Variants in KLK7 observed in about 807,000 individuals in gnomAD.
KLK7 encodes kallikrein-7.
A neutral mutation model predicts 21.0 loss-of-function variants in KLK7; 17 were observed. The ratio of observed to expected loss-of-function variants is 0.81; its 90% CI spans 0.55 to 1.21. The LOEUF (loss-of-function observed/expected upper bound fraction) is 1.21. Among genes scored for constraint, KLK7 ranks in the 50% most tolerant of loss-of-function variants. KLK7 has a pLI of 0.00. For missense variants in KLK7, 330 were observed against 322.8 expected (o/e 1.02, Z -0.17); for synonymous variants, 151 against 134.6 (o/e 1.12, Z -0.85).
chr19:50,980,479 G>A lies in KLK7; in HGVS notation c.230C>T (p.Thr77Ile), dbSNP rs776927500. Reference sequence around the variant, plus strand: ...CAGCGTATCACTGCCCAGGTGCACGGTGTACTCACTGCGAGGAGTGACATT... The same window carrying A: ...CAGCGTATCACTGCCCAGGTGCACGATGTACTCACTGCGAGGAGTGACATT... ...TAAHCKMNEYTVHLGSDTLGD... is the reference protein window; with the variant it reads ...TAAHCKMNEYIVHLGSDTLGD... The change falls in exon 4 of 6, where the codon ACC (threonine) becomes ATC (isoleucine). Residue 77 changes from threonine to isoleucine, a missense_variant. By Grantham distance (89) the Thr-to-Ile change is moderately conservative (BLOSUM62 -1). Transcript: ENST00000595820. 1.9e-6 allele frequency: 3 copies of A among 1,613,866 alleles called. No individual in the cohort carries two copies. Among genetic ancestry groups the A allele is most frequent in the Non-Finnish European group, 2.5e-6 (3 of 1,179,878 alleles).
At chr19:50,978,682 G>C (rs1229082190) in intron 5 of KLK7, among the ~76,000 whole-genome samples, 1 of 148,030 alleles carries the variant, frequency 6.8e-6, no homozygotes. Flanking sequence ...GACTGGAAGA[G>C]AGGAGGAGAA....
At chr19:50,982,008 G>C (rs2091093286) in intron 2 of KLK7, 94 bp from the exon 3 acceptor site, 1 of 1,317,598 alleles carries the variant, frequency 7.6e-7, no homozygotes. Flanking sequence ...GATGGACAGA[G>C]ACAGATGAAA....
At chr19:50,981,714 T>A in intron 3 of KLK7, 53 bp downstream of exon 3, 1 of 1,499,506 alleles carries the variant, frequency 6.7e-7, no homozygotes, top group East Asian at 2.5e-5. Context: ...TCCACCCCCA[T>A]AGCGAGCTGG....
chr19:50,983,108 C>T (rs1280660312), intron 1 of KLK7, among the ~76,000 whole-genome samples: 4 of 107,218 alleles, frequency 3.7e-5, no homozygotes, highest in African/African-American at 1.4e-4. Flanking sequence ...AGGCCCCCAG[C>T]TCCTCCTCCC....
intron 5 of KLK7, 112 bp from the exon 6 acceptor site, chr19:50,977,803 A>G: frequency 1.9e-6 from 2 of 1,078,708 alleles, no homozygotes; most frequent in South Asian, 1.5e-5. Flanking sequence ...CTTCCACCAT[A>G]GCCAATGAGA....
rs542798108 is a variant in KLK7 at position 50,980,074 on chromosome 19, C to G, written c.470-150G>C. 5 of 840,518 alleles carry G rather than the reference C, an allele frequency of 5.9e-6. No individual in the cohort carries two copies. In the Admixed American group the frequency reaches 1.4e-4, roughly 24 times the overall value. 52.1% of individuals were successfully genotyped at this position (840,518 alleles called of 1,614,324 possible). On this transcript the variant is annotated intron_variant, in intron 4 of 5. Coordinates refer to ENST00000595820, the MANE Select transcript of KLK7 (RefSeq NM_005046.4). Reference sequence around the variant, plus strand: ...GAGGAGGGGCTGGGGTCTGGACTCCCGGGTCTGAGGGAGGAGGGGCTGGGG... The same window carrying G: ...GAGGAGGGGCTGGGGTCTGGACTCCGGGGTCTGAGGGAGGAGGGGCTGGGG...
Position 50,977,387 on chromosome 19 carries a change from A to T in KLK7, c.*149T>A. 2.6e-6 allele frequency: 2 copies of T among 766,372 alleles called. No homozygotes were observed. Among genetic ancestry groups the T allele is most frequent in the Non-Finnish European group, 4.2e-6 (2 of 470,704 alleles). The allele number at this position is 766,372 out of a possible 1,614,324, so 47.5% of individuals were successfully genotyped here. A position where few individuals can be genotyped will look rare whatever the true frequency, so the allele number is the denominator to read the frequency against. On this transcript the variant is annotated 3_prime_UTR_variant, in exon 6 of 6. Transcript: ENST00000595820. ...TTTGTTTTGGTTTTAGGTCTTTACCAATTTGATTGGTTTATCAACAGGGCA... is the reference window on the plus strand; with the variant it reads ...TTTGTTTTGGTTTTAGGTCTTTACCTATTTGATTGGTTTATCAACAGGGCA...
intron 3 of KLK7, among the ~76,000 whole-genome samples, chr19:50,981,319 A>G (rs2091084112): frequency 7.0e-6 from 1 of 142,518 alleles, no homozygotes; most frequent in African/African-American, 2.7e-5. Context: ...GGACAGAGAC[A>G]CAGAGGGGAA....
chr19:50,984,037 C>A (rs540123437), upstream of KLK7: 76 of 698,702 alleles, frequency 1.1e-4, 1 homozygote, highest in South Asian at 9.0e-4. Flanking sequence ...TTCTGGTTAT[C>A]TGGAACCCTG....
intron 5 of KLK7, among the ~76,000 whole-genome samples, chr19:50,979,571 A>G (rs1477702784): frequency 1.3e-5 from 2 of 152,078 alleles, no homozygotes; most frequent in African/African-American, 4.8e-5. Context: ...TCTCACCCCT[A>G]TTAAACTCTC....
intron 5 of KLK7, among the ~76,000 whole-genome samples, chr19:50,979,099 G>T (rs2091057402): frequency 6.6e-6 from 1 of 152,126 alleles, no homozygotes; most frequent in South Asian, 2.1e-4. Context: ...CAGAAACAGA[G>T]GGGATGACAA....
chr19:50,983,844 T>C lies in KLK7; in HGVS notation c.-59+7A>G. 7.8e-7 allele frequency: 1 copy of C among 1,289,268 alleles called. No homozygotes were observed. Among genetic ancestry groups the C allele is most frequent in the Non-Finnish European group, 1.0e-6 (1 of 988,792 alleles). 79.9% of individuals were successfully genotyped at this position (1,289,268 alleles called of 1,614,324 possible). A position where few individuals can be genotyped will look rare whatever the true frequency, so the allele number is the denominator to read the frequency against. ...ACAGGTGCACCCTTGATGAAGCCTC[T>C]TCTCACCTCGAGAGGATCTGATGTG... On this transcript the variant is annotated splice_region_variant and intron_variant, in intron 1 of 5. Transcript: ENST00000595820.
Position 50,977,223 on chromosome 19 carries a change from G to T in KLK7, c.*313C>A, listed in dbSNP as rs573290259. The T allele has an allele frequency of 3.9e-6, 1 of 255,782 alleles. No homozygotes were observed. Among genetic ancestry groups the T allele is most frequent in the Non-Finnish European group, 7.4e-6 (1 of 135,620 alleles). 15.8% of individuals were successfully genotyped at this position (255,782 alleles called of 1,614,324 possible). The stretch of plus-strand genomic sequence containing the variant: ...TTCTTCCTAAGATTAGAGTTACTGG[G>T]TCAAAGGTGGTGAATAAGGGTCTCG... On this transcript the variant is annotated 3_prime_UTR_variant, in exon 6 of 6. Coordinates refer to ENST00000595820, the MANE Select transcript of KLK7 (RefSeq NM_005046.4).
At chr19:50,978,832 G>GGA (rs2091055601) in intron 5 of KLK7, among the ~76,000 whole-genome samples, 1 of 141,866 alleles carries the variant, frequency 7.0e-6, no homozygotes, top group Non-Finnish European at 1.5e-5. Flanking sequence ...GAGAAGTGGG[G>GGA]GAGAGAGAGA....
upstream of KLK7, chr19:50,983,964 C>A (rs763552015): frequency 1.7e-5 from 22 of 1,278,708 alleles, no homozygotes; most frequent in South Asian, 2.6e-4. Flanking sequence ...GCCCCATGCC[C>A]GGCCCCAGCG....
chr19:50,981,939 G>A lies in KLK7; in HGVS notation c.74-25C>T, dbSNP rs376535435. ...GCTGGATGGAGACATGGAGGAGCAC[G>A]TGGGTAGCTAGCATTAGGGGAAGGC... is the stretch of plus-strand genomic sequence containing the variant. On this transcript the variant is annotated intron_variant, in intron 2 of 5. Coordinates refer to ENST00000595820, the MANE Select transcript of KLK7 (RefSeq NM_005046.4). 5.5e-5 allele frequency: 88 copies of A among 1,610,520 alleles called. No individual in the cohort carries two copies. The African/African-American group carries it at 1.1e-3, about 21-fold the overall frequency.
At chr19:50,978,991 C>T (rs1333431292) in intron 5 of KLK7, among the ~76,000 whole-genome samples, 3 of 151,190 alleles carry the variant, frequency 2.0e-5, no homozygotes, top group African/African-American at 7.3e-5. Flanking sequence ...GGAGAGAGAA[C>T]AAGGGAGGGA....
rs988719257 is a variant in KLK7, at chr19:50,977,074, T to C, written c.*462A>G. 6.5e-6 allele frequency: 1 copy of C among 154,192 alleles called. No homozygotes were observed. The highest frequency in any genetic ancestry group is 1.4e-5 in the Non-Finnish European group (1 of 69,364). 9.6% of individuals were successfully genotyped at this position (154,192 alleles called of 1,614,324 possible). On this transcript the variant is annotated 3_prime_UTR_variant, in exon 6 of 6. Transcript: ENST00000595820. ...AAAACATCGTTGTGCCAAGCCAGACTATTATTTAAGCCATCTGGTACTTTT... is the reference window on the plus strand; with the variant it reads ...AAAACATCGTTGTGCCAAGCCAGACCATTATTTAAGCCATCTGGTACTTTT...
Position 50,983,870 on chromosome 19 carries a change from A to T in KLK7, c.-78T>A. On this transcript the variant is annotated 5_prime_UTR_variant, in exon 1 of 6. Transcript: ENST00000595820. ...TCTCACCTCGAGAGGATCTGATGTG[A>T]TCCAAGTTCCGACTTGGGCTGGCAC... 1 of 1,289,104 alleles carries T rather than the reference A, an allele frequency of 7.8e-7. No homozygotes were observed. The highest frequency in any genetic ancestry group is 1.0e-6 in the Non-Finnish European group (1 of 988,716). The allele number at this position is 1,289,104 out of a possible 1,614,324, so 79.9% of individuals were successfully genotyped here.
Sources: allele counts gnomAD v4.1 joint callset (sites outside exome capture counted in the v4.1 genomes callset), GRCh38; gene constraint gnomAD v4.1.1; transcripts MANE v1.5; gene names NCBI Gene and HGNC (gene_info 2026-07-23, HGNC 2026-07-21).